PLEKHH2: variants seen among roughly 807,000 people sequenced by gnomAD.
PLEKHH2 encodes pleckstrin homology domain-containing family H member 2.
Under a neutral mutation model 187.9 loss-of-function variants are expected in PLEKHH2, and 129 were observed. The ratio of observed to expected loss-of-function variants is 0.69; its 90% CI spans 0.59 to 0.79. PLEKHH2 has a LOEUF of 0.79. Ranked by LOEUF, PLEKHH2 falls within the 30% of genes least tolerant of loss-of-function variation. The pLI is 0.00. For synonymous variants in PLEKHH2, 686 were observed against 605.6 expected (o/e 1.13, Z -1.95); for missense variants, 2,076 against 1,751.2 (o/e 1.19, Z -3.31).
In PLEKHH2 at chr2:43,731,469, C is replaced by T. The variant is rs57838500; in HGVS notation, c.2831-21C>T. 3.5e-4 allele frequency: 513 copies of T among 1,454,264 alleles called. No individual in the cohort carries two copies. In the African/African-American group the frequency reaches 6.6e-3, roughly 19 times the overall value. The allele number at this position is 1,454,264 out of a possible 1,614,324, so 90.1% of individuals were successfully genotyped here. ...TAAGTGGTTTATTCAGTTTTCTGTT[C>T]ATATTTTATTCTGCATTTAGCCTCT... On this transcript the variant is annotated intron_variant, in intron 18 of 29. Transcript: ENST00000282406.
intron 1 of PLEKHH2, among the ~76,000 whole-genome samples, chr2:43,643,833 A>G (rs17031162): frequency 0.06 from 9,136 of 152,144 alleles, 421 homozygotes; most frequent in East Asian, 0.13. Flanking sequence ...GCCAGAAACC[A>G]TCATGCTTCC....
intron 29 of PLEKHH2, 33 bp downstream of exon 29, chr2:43,764,398 C>T (rs1672546571): frequency 1.2e-6 from 2 of 1,602,488 alleles, no homozygotes; most frequent in African/African-American, 2.7e-5. Context: ...ACTTTTTTGT[C>T]CTAGTTGTTT....
chr2:43,710,607 T>TTTC, intron 14 of PLEKHH2, 32 bp downstream of exon 14: 1 of 1,537,136 alleles, frequency 6.5e-7, no homozygotes, highest in South Asian at 1.2e-5. Flanking sequence ...TTTTTTTTTT[T>TTTC]TGTATCATGC....
chr2:43,703,431 G>T (rs1669487172), intron 8 of PLEKHH2, among the ~76,000 whole-genome samples: 1 of 152,188 alleles, frequency 6.6e-6, no homozygotes, highest in African/African-American at 2.4e-5. Flanking sequence ...TTCTACTTGA[G>T]TGAAATGTAC....
intron 2 of PLEKHH2, among the ~76,000 whole-genome samples, chr2:43,651,505 T>C (rs1666470269): frequency 6.6e-6 from 1 of 152,248 alleles, no homozygotes; most frequent in Admixed American, 6.5e-5. Context: ...AAAAGATTCC[T>C]AGGCTGAACA....
chr2:43,704,118 A>G lies in PLEKHH2; in HGVS notation c.1726+62A>G, dbSNP rs991445245. ...TGAGGACTTTGTGCTAAGGGATAGTATAATACAAATACATGGTACAGTCAC... is the reference window on the plus strand; with the variant it reads ...TGAGGACTTTGTGCTAAGGGATAGTGTAATACAAATACATGGTACAGTCAC... On this transcript the variant is annotated intron_variant, in intron 9 of 29. Transcript: ENST00000282406. The G allele has an allele frequency of 1.8e-5, 20 of 1,130,634 alleles. No homozygotes were observed. In the African/African-American group the frequency reaches 2.5e-4, roughly 14 times the overall value. 70.0% of individuals were successfully genotyped at this position (1,130,634 alleles called of 1,614,324 possible).
At chr2:43,695,732 A>G (rs367773343) in intron 6 of PLEKHH2, among the ~76,000 whole-genome samples, 1 of 152,304 alleles carries the variant, frequency 6.6e-6, no homozygotes, top group East Asian at 1.9e-4. Flanking sequence ...AGTGAGTTAG[A>G]GGTAGTTGTA....
At chr2:43,649,348 C>T (rs908806664) in intron 2 of PLEKHH2, among the ~76,000 whole-genome samples, 7 of 152,132 alleles carry the variant, frequency 4.6e-5, no homozygotes, top group Non-Finnish European at 8.8e-5. Context: ...GTTAGATTTT[C>T]GGTGAAAAGG....
chr2:43,637,668 TG>T (rs1477962155), intron 1 of PLEKHH2, among the ~76,000 whole-genome samples: 1 of 151,978 alleles, frequency 6.6e-6, no homozygotes, highest in Non-Finnish European at 1.5e-5. Context: ...ACGTTCTGTT[TG>T]GAAACACTGG....
At position 43,709,901 on chromosome 2, in the gene PLEKHH2, A is replaced by G. The variant is rs148425082; in HGVS notation, c.1967-89A>G. ...GTCTAGGGAGGCTTATGATTTAGGA[A>G]TAATTGCATTCTGTAGGAGCACTCA... On this transcript the variant is annotated intron_variant, in intron 11 of 29. Coordinates refer to ENST00000282406, the MANE Select transcript of PLEKHH2 (RefSeq NM_172069.4). The G allele has an allele frequency of 3.0e-3, 3,811 of 1,272,290 alleles. 21 individuals are homozygous for G. The highest frequency in any genetic ancestry group is 2.5e-3 in the Non-Finnish European group (2,332 of 924,744). The allele number at this position is 1,272,290 out of a possible 1,614,324, so 78.8% of individuals were successfully genotyped here.
At chr2:43,655,820 CTT>C (rs777519130) in intron 2 of PLEKHH2, among the ~76,000 whole-genome samples, 1 of 152,078 alleles carries the variant, frequency 6.6e-6, no homozygotes, top group African/African-American at 2.4e-5. Context: ...CAGCAGCAGA[CTT>C]TTAATTTGTA....
At chr2:43,739,312 C>T (rs1472920411) in intron 20 of PLEKHH2, among the ~76,000 whole-genome samples, 1 of 152,178 alleles carries the variant, frequency 6.6e-6, no homozygotes, top group Non-Finnish European at 1.5e-5. Context: ...AAATATTTCA[C>T]TATTGACTCA....
Position 43,729,695 on chromosome 2 carries a change from C to A in PLEKHH2, c.2780C>A (p.Ser927Tyr). The A allele has an allele frequency of 6.2e-7, 1 of 1,609,614 alleles. No individual in the cohort carries two copies. The highest frequency in any genetic ancestry group is 8.5e-7 in the Non-Finnish European group (1 of 1,178,614). Residue 927 changes from serine (S) to tyrosine (Y), a missense_variant, in exon 18 of 30, where the codon TCT becomes TAT. Physicochemically the swap from Ser to Tyr is moderately radical, Grantham distance 144 (BLOSUM62 -2). Coordinates refer to ENST00000282406, the MANE Select transcript of PLEKHH2 (RefSeq NM_172069.4). ...GGAAGCAACAATGTAAACGTTGGAT[C>A]TGAATTTGAACAACTGGTTTGCAAA... ...AAGSNNVNVG[S>Y]EFEQLVCKLL...
intron 27 of PLEKHH2, among the ~76,000 whole-genome samples, chr2:43,761,095 C>T (rs1370408388): frequency 1.3e-5 from 2 of 152,190 alleles, no homozygotes; most frequent in African/African-American, 4.8e-5. Context: ...TCTCCCTATC[C>T]TTTGCAAATC....
At chr2:43,718,784 C>T (rs1034656572) in intron 15 of PLEKHH2, among the ~76,000 whole-genome samples, 4 of 152,092 alleles carry the variant, frequency 2.6e-5, no homozygotes, top group South Asian at 2.1e-4. Flanking sequence ...CCCCACACAG[C>T]GCTATTTAAA....
rs1669719839 is a variant in PLEKHH2, at chr2:43,707,487, G to A, written c.1908G>A (p.Thr636=). ...EEDSSRSSSR[T]SESDSRSRSG... ...ACAGCTCCAGATCCAGCTCCCGGACGTCAGAGTCAGACTCACGCAGTAGGA... is the reference window on the plus strand; with the variant it reads ...ACAGCTCCAGATCCAGCTCCCGGACATCAGAGTCAGACTCACGCAGTAGGA... Residue 636 remains threonine, a synonymous_variant, in exon 11 of 30, where the codon ACG becomes ACA. Transcript: ENST00000282406. The A allele has an allele frequency of 5.0e-6, 8 of 1,614,136 alleles. No homozygotes were observed. Among genetic ancestry groups the A allele is most frequent in the East Asian group, 2.2e-5 (1 of 44,882 alleles).
intron 2 of PLEKHH2, among the ~76,000 whole-genome samples, chr2:43,650,946 G>C (rs747123176): frequency 6.7e-6 from 1 of 150,264 alleles, no homozygotes; most frequent in Non-Finnish European, 1.5e-5. Context: ...CGCCTGGCCA[G>C]CATTACCTTT....
chr2:43,737,153 C>T (rs1671332928), intron 19 of PLEKHH2, among the ~76,000 whole-genome samples: 1 of 152,098 alleles, frequency 6.6e-6, no homozygotes, highest in South Asian at 2.1e-4. Context: ...TTAAAACAGA[C>T]CTTGGAAGAA....
chr2:43,660,596 T>A (rs1168512596), intron 2 of PLEKHH2, among the ~76,000 whole-genome samples: 2 of 145,984 alleles, frequency 1.4e-5, no homozygotes, highest in African/African-American at 5.2e-5. Context: ...ATTAGGTATA[T>A]CTCCCAATGC....
Sources: allele counts gnomAD v4.1 joint callset (sites outside exome capture counted in the v4.1 genomes callset), GRCh38; gene constraint gnomAD v4.1.1; transcripts MANE v1.5; gene names NCBI Gene and HGNC (gene_info 2026-07-23, HGNC 2026-07-21).